The following MAP6 variants were observed in gnomAD, a reference collection of about 807,000 sequenced individuals.
The protein encoded by MAP6 is microtubule-associated protein 6.
In MAP6, 26 loss-of-function variants were observed where a neutral mutation model predicts 42.4. The ratio of observed to expected loss-of-function variants is 0.61; its 90% CI spans 0.45 to 0.85. The LOEUF is 0.85. Among genes scored for constraint, MAP6 ranks in the 40% least tolerant of loss-of-function variants. MAP6 has a pLI of 0.00. For missense variants in MAP6, 966 were observed against 1,099.0 expected (o/e 0.88, Z 1.71); for synonymous variants, 418 against 443.8 (o/e 0.94, Z 0.73).
chr11:75,652,048 CA>C (rs1360350491), intron 1 of MAP6, among the ~76,000 whole-genome samples: 2 of 152,028 alleles, frequency 1.3e-5, no homozygotes, highest in Non-Finnish European at 2.9e-5. Context: ...TATTATTACC[CA>C]AAAAAATTAT....
At chr11:75,636,092 G>C (rs1429678676) in intron 1 of MAP6, 1 of 152,232 alleles carries the variant, frequency 6.6e-6, no homozygotes, top group African/African-American at 2.4e-5. Flanking sequence ...TGGGTCCCAG[G>C]AAGCTGCACT....
In MAP6 at chr11:75,667,456, G is replaced by T; in HGVS notation, c.905+9C>A. ...TGACTCCCCCGCGCTAGCAGCGGCC[G>T]CGTCTCACCTGTAGGAGCTGCTCAC... is the stretch of plus-strand genomic sequence containing the variant. On this transcript the variant is annotated intron_variant, in intron 1 of 3. Coordinates refer to ENST00000304771, the MANE Select transcript of MAP6 (RefSeq NM_033063.2). The surrounding 1 kb of genome is among the most constrained non-coding windows in gnomAD (Gnocchi z 5.6). 6.8e-7 allele frequency: 1 copy of T among 1,477,796 alleles called. No homozygotes were observed. The highest frequency in any genetic ancestry group is 2.4e-4 in the Middle Eastern group (1 of 4,192). 91.5% of individuals were successfully genotyped at this position (1,477,796 alleles called of 1,614,324 possible). A position where few individuals can be genotyped will look rare whatever the true frequency, so the allele number is the denominator to read the frequency against.
intron 1 of MAP6, among the ~76,000 whole-genome samples, chr11:75,647,814 T>C (rs1943587047): frequency 6.6e-6 from 1 of 152,084 alleles, no homozygotes; most frequent in Non-Finnish European, 1.5e-5. Flanking sequence ...GAGTCCAACA[T>C]AAATACGAAA....
intron 3 of MAP6, among the ~76,000 whole-genome samples, chr11:75,602,061 G>A (rs1458110816): frequency 2.0e-5 from 3 of 151,970 alleles, no homozygotes; most frequent in African/African-American, 7.3e-5. Flanking sequence ...ATCAACATAT[G>A]TTGGAAAAAT....
Position 75,668,645 on chromosome 11 carries a change from T to G in MAP6, c.-276A>C. ...GGGTGAGACGCACGGCGTTCCCGAG[T>G]CCCCGGCGAGGGTGTCTGGGACGCG... On this transcript the variant is annotated 5_prime_UTR_variant, in exon 1 of 4. Coordinates refer to ENST00000304771, the MANE Select transcript of MAP6 (RefSeq NM_033063.2). The G allele has an allele frequency of 3.6e-6, 1 of 277,226 alleles. No individual in the cohort carries two copies. The allele number at this position is 277,226 out of a possible 1,614,324, so 17.2% of individuals were successfully genotyped here. A position where few individuals can be genotyped will look rare whatever the true frequency, so the allele number is the denominator to read the frequency against.
At chr11:75,638,182 C>T (rs1943404094) in intron 1 of MAP6, among the ~76,000 whole-genome samples, 1 of 152,182 alleles carries the variant, frequency 6.6e-6, no homozygotes, top group Non-Finnish European at 1.5e-5. Context: ...CCCCTCAGGC[C>T]TGGCTTACAG....
intron 3 of MAP6, chr11:75,603,530 A>C (rs940203623): frequency 1.0e-6 from 1 of 982,152 alleles, no homozygotes; most frequent in African/African-American, 1.8e-5. Flanking sequence ...CAGGTTGAAA[A>C]AGACATGCTA....
intron 3 of MAP6, among the ~76,000 whole-genome samples, chr11:75,600,999 G>A (rs994959270): frequency 3.4e-4 from 52 of 152,224 alleles, no homozygotes; most frequent in African/African-American, 1.1e-3. Flanking sequence ...TTTCAGGGAG[G>A]TAATGTGAGT....
rs1213461537 is a variant in MAP6, at chr11:75,667,072, G to A, written c.905+393C>T. On this transcript the variant is annotated intron_variant, in intron 1 of 3. Transcript: ENST00000304771. The surrounding 1 kb of genome is among the most constrained non-coding windows in gnomAD (Gnocchi z 5.6). ...CCACTTGGAAAGAATTCTTCTTCTG[G>A]AAGAATGGGGACCCTGCAAAGGGCA... Among the ~76,000 whole-genome samples, 2 of 152,188 alleles carry A rather than the reference G, an allele frequency of 1.3e-5. No individual in the cohort carries two copies. Among genetic ancestry groups the A allele is most frequent in the Non-Finnish European group, 2.9e-5 (2 of 68,032 alleles).
intron 1 of MAP6, among the ~76,000 whole-genome samples, chr11:75,662,832 G>C (rs1943876911): frequency 6.6e-6 from 1 of 152,160 alleles, no homozygotes; most frequent in South Asian, 2.1e-4. Context: ...GTTCTCCACT[G>C]ATTCCAATGT....
intron 1 of MAP6, among the ~76,000 whole-genome samples, chr11:75,655,055 C>T (rs1943720700): frequency 6.6e-6 from 1 of 152,218 alleles, no homozygotes; most frequent in African/African-American, 2.4e-5. Flanking sequence ...ACACTACTTA[C>T]ATCCATATTA....
intron 1 of MAP6, among the ~76,000 whole-genome samples, chr11:75,621,101 AGCCTGGGT>A (rs1943102422): frequency 6.6e-6 from 1 of 151,984 alleles, no homozygotes; most frequent in Admixed American, 6.6e-5. Context: ...ACTGCACTCC[AGCCTGGGT>A]GACAGAGTGA....
intron 1 of MAP6, among the ~76,000 whole-genome samples, chr11:75,653,751 G>A (rs1038975750): frequency 1.3e-5 from 2 of 152,086 alleles, no homozygotes; most frequent in African/African-American, 4.8e-5. Context: ...GATGCTTGCT[G>A]GACTAAAAAA....
At chr11:75,660,946 A>G (rs1318910156) in intron 1 of MAP6, among the ~76,000 whole-genome samples, 4 of 152,112 alleles carry the variant, frequency 2.6e-5, no homozygotes, top group African/African-American at 9.7e-5. Flanking sequence ...AAAAAACAAA[A>G]CAAATCTGAA....
In MAP6 at chr11:75,668,396, C is replaced by G. The variant is rs558683103; in HGVS notation, c.-27G>C. 8.3e-6 allele frequency: 13 copies of G among 1,563,060 alleles called. No homozygotes were observed. The South Asian group carries it at 1.5e-4, about 18-fold the overall frequency. On this transcript the variant is annotated 5_prime_UTR_variant, in exon 1 of 4. Coordinates refer to ENST00000304771, the MANE Select transcript of MAP6 (RefSeq NM_033063.2). ...ATGCTAGCTGAAAAGCCGGCCTCCT[C>G]TTTCTTCTTGTGGTTCTAAAGCAAG...
At chr11:75,666,605 T>C (rs894085606) in intron 1 of MAP6, among the ~76,000 whole-genome samples, 1 of 152,230 alleles carries the variant, frequency 6.6e-6, no homozygotes. Flanking sequence ...AACCAAGATG[T>C]ACTAATTACC....
At chr11:75,657,603 C>T (rs1292165799) in intron 1 of MAP6, among the ~76,000 whole-genome samples, 1 of 152,162 alleles carries the variant, frequency 6.6e-6, no homozygotes, top group Non-Finnish European at 1.5e-5. Flanking sequence ...CAACAAATTA[C>T]CACAAACAGA....
rs1346866986 is a variant in MAP6 at position 75,608,182 on chromosome 11, G to A, written c.1046C>T (p.Thr349Ile). The A allele has an allele frequency of 3.1e-6, 5 of 1,614,230 alleles. No individual in the cohort carries two copies. In the East Asian group the frequency reaches 8.9e-5, roughly 29 times the overall value. The change falls in exon 2 of 4, where the codon ACA becomes ATA. Residue 349 changes from threonine (T) to isoleucine (I), a missense_variant. Around this residue, in one of 2 missense-constraint regions of MAP6, gnomAD observed 943 missense variants for 1,049.9 expected, o/e 0.90. Coordinates refer to ENST00000304771, the MANE Select transcript of MAP6 (RefSeq NM_033063.2). ...QFKGEASKPTTADNKVIDRRR... is the reference protein window; with the variant it reads ...QFKGEASKPTIADNKVIDRRR... The stretch of plus-strand genomic sequence containing the variant: ...GCGATCAATGACCTTATTGTCAGCT[G>A]TTGTTGGCTTGCTGGCCTCTCCTTT...
At chr11:75,605,534 T>C (rs1006566043) in intron 3 of MAP6, 1 of 1,242,930 alleles carries the variant, frequency 8.0e-7, no homozygotes, top group Non-Finnish European at 1.0e-6. Flanking sequence ...CTCATCAGCA[T>C]GCAGTCAGAG....
Sources: gnomAD v4.1 joint callset for allele counts (sites outside exome capture counted in the v4.1 genomes callset) on GRCh38, gnomAD v4.1.1 for gene constraint, gnomAD v4.1.1 regional missense constraint, Gnocchi (gnomAD v3.1) non-coding constraint, MANE v1.5 for transcripts, NCBI Gene and HGNC (gene_info 2026-07-23, HGNC 2026-07-21) for gene names.